The following DCAF5 variants were observed in gnomAD, a reference collection of about 807,000 sequenced individuals.
The protein encoded by DCAF5 is DDB1- and CUL4-associated factor 5.
In DCAF5, 9 loss-of-function variants were observed where a neutral mutation model predicts 80.7. The observed-to-expected ratio is 0.11, with a 90% CI of 0.07 to 0.19. The LOEUF (loss-of-function observed/expected upper bound fraction) is 0.19. Ranked by LOEUF, DCAF5 falls within the 10% of genes least tolerant of loss-of-function variation. The probability of loss-of-function intolerance (pLI) is 1.00; values close to 1 mark genes in which losing one functional copy is unlikely to be tolerated. For synonymous variants in DCAF5, 433 were observed against 461.9 expected (o/e 0.94, Z 0.80); for missense variants, 842 against 1,205.7 (o/e 0.70, Z 4.47).
At chr14:69,075,447 A>ATT in intron 6 of DCAF5, 36 bp from the exon 7 acceptor site, 11 of 1,294,412 alleles carry the variant, frequency 8.5e-6, no homozygotes, top group South Asian at 1.7e-5. Context: ...AACATTATAT[A>ATT]TTATAATATA....
intron 5 of DCAF5, among the ~76,000 whole-genome samples, chr14:69,097,582 ATT>A (rs755644268): frequency 0.25 from 30,417 of 122,818 alleles, 4,036 homozygotes; most frequent in East Asian, 0.76. Context: ...TATTATTATT[ATT>A]TTTTTTTTTT....
chr14:69,069,042 G>A (rs2038579457), intron 7 of DCAF5, among the ~76,000 whole-genome samples: 1 of 152,220 alleles, frequency 6.6e-6, no homozygotes, highest in South Asian at 2.1e-4. Flanking sequence ...TGCCTCACAT[G>A]TGTTTATAAC....
At position 69,054,628 on chromosome 14, in the gene DCAF5, G is replaced by T; in HGVS notation, c.2058C>A (p.Thr686=). 1 of 1,613,950 alleles carries T rather than the reference G, an allele frequency of 6.2e-7. No individual in the cohort carries two copies. Among genetic ancestry groups the T allele is most frequent in the Non-Finnish European group, 8.5e-7 (1 of 1,179,914 alleles). The stretch of plus-strand genomic sequence containing the variant: ...CTGCTCTCCCTTCATCTGCCTCCCC[G>T]GTCACCAAGGAGGTCTCTCCATCTT... ...NNKDGETSLV[T]GEADEGRAGT... Residue 686 remains threonine, a synonymous_variant, in exon 9 of 9, where the codon ACC becomes ACA. Coordinates refer to ENST00000341516, the MANE Select transcript of DCAF5 (RefSeq NM_003861.3).
At chr14:69,079,370 C>T (rs2039017194) in intron 6 of DCAF5, among the ~76,000 whole-genome samples, 1 of 152,102 alleles carries the variant, frequency 6.6e-6, no homozygotes, top group African/African-American at 2.4e-5. Flanking sequence ...TACAGGCTTC[C>T]TCTTAGGGAT....
At chr14:69,098,931 A>G (rs1220721179) in intron 5 of DCAF5, among the ~76,000 whole-genome samples, 9 of 150,064 alleles carry the variant, frequency 6.0e-5, no homozygotes, top group African/African-American at 2.2e-4. Context: ...GAAAAAAAAG[A>G]AAAACACTGA....
intron 5 of DCAF5, among the ~76,000 whole-genome samples, chr14:69,098,893 C>CAAA (rs57089112): frequency 3.0e-4 from 18 of 59,578 alleles, no homozygotes; most frequent in Non-Finnish European, 4.0e-4. Context: ...ACTCTGTCTC[C>CAAA]AAAAAAAAAA....
Position 69,118,931 on chromosome 14 carries a change from C to T in DCAF5, c.395+263G>A, listed in dbSNP as rs1167607492. ...ATTACTGTTCTTAAATATTATGGTT[C>T]CTTCTCTTCTAAACTCTTGTTTTAA... On this transcript the variant is annotated intron_variant, in intron 3 of 8. Transcript: ENST00000341516. This position sits in a 1 kb window ranked among gnomAD's most constrained non-coding sequence, Gnocchi z 4.0. Among the ~76,000 whole-genome samples, 1 of 152,178 alleles carries T rather than the reference C, an allele frequency of 6.6e-6. No homozygotes were observed. Among genetic ancestry groups the T allele is most frequent in the Non-Finnish European group, 1.5e-5 (1 of 68,018 alleles).
chr14:69,151,215 T>G (rs777428836), intron 1 of DCAF5, among the ~76,000 whole-genome samples: 1 of 152,170 alleles, frequency 6.6e-6, no homozygotes, highest in Non-Finnish European at 1.5e-5. Flanking sequence ...ATCAGGTTTC[T>G]TCAGAGGATG....
At position 69,118,150 on chromosome 14, in the gene DCAF5, G is replaced by A. The variant is rs184768815; in HGVS notation, c.524C>T (p.Ser175Phe). ...GRVLIWDIRE[S>F]PHGEPFCLAN... Reference sequence around the variant, plus strand: ...CACAGTGAGCCTACCTCCATGGGGGGATTCCCGAATGTCCCAAATGAGAAC... The same window carrying A: ...CACAGTGAGCCTACCTCCATGGGGGAATTCCCGAATGTCCCAAATGAGAAC... The change falls in exon 4 of 9, where the codon TCC becomes TTC. Residue 175 changes from serine (S) to phenylalanine (F), a missense_variant. By Grantham distance (155) the Ser-to-Phe change is radical. Around this residue, in one of 5 missense-constraint regions of DCAF5, gnomAD observed 142 missense variants for 311.9 expected, o/e 0.46. Transcript: ENST00000341516. The surrounding 1 kb of genome is among the most constrained non-coding windows in gnomAD (Gnocchi z 4.0). 5 of 1,613,894 alleles carry A rather than the reference G, an allele frequency of 3.1e-6. No homozygotes were observed. In the East Asian group the frequency reaches 6.7e-5, roughly 22 times the overall value.
chr14:69,118,607 AAAAGCAAGGGAAAGCTTT>A lies in DCAF5; in HGVS notation c.396-347_396-330del, dbSNP rs1485140010. Among the ~76,000 whole-genome samples, 2 of 152,184 alleles carry A rather than the reference AAAAGCAAGGGAAAGCTTT, an allele frequency of 1.3e-5. No individual in the cohort carries two copies. Among genetic ancestry groups the A allele is most frequent in the Admixed American group, 1.3e-4 (2 of 15,272 alleles). ...ATTTGGGGGTCATACTTGATTTTCA[AAAAGCAAGGGAAAGCTTT>A]AAAGCAGCCAAGTCTGATGCCTACA... On this transcript the variant is annotated intron_variant, in intron 3 of 8. Coordinates refer to ENST00000341516, the MANE Select transcript of DCAF5 (RefSeq NM_003861.3). This position sits in a 1 kb window ranked among gnomAD's most constrained non-coding sequence, Gnocchi z 4.0.
intron 7 of DCAF5, among the ~76,000 whole-genome samples, chr14:69,070,661 A>T (rs893245295): frequency 3.9e-5 from 6 of 152,132 alleles, no homozygotes; most frequent in Non-Finnish European, 8.8e-5. Context: ...TTATTTTCAG[A>T]ATTACCACAT....
intron 8 of DCAF5, among the ~76,000 whole-genome samples, chr14:69,061,556 G>A (rs2038217091): frequency 6.6e-6 from 1 of 152,168 alleles, no homozygotes; most frequent in African/African-American, 2.4e-5. Flanking sequence ...AATGATCCAA[G>A]TATTTAGTAT....
chr14:69,055,136 C>G lies in DCAF5; in HGVS notation c.1550G>C (p.Arg517Pro), dbSNP rs750163325. ...CAGGAGGCGTTTGTCTTGGTAGCGCCGCAGAGCAGACAGACGCTGCTGGCG... is the reference window on the plus strand; with the variant it reads ...CAGGAGGCGTTTGTCTTGGTAGCGCGGCAGAGCAGACAGACGCTGCTGGCG... The part of the protein sequence containing the change: ...ASRQQRLSAL[R>P]RYQDKRLLAL... Residue 517 changes from arginine to proline, a missense_variant, in exon 9 of 9, where the codon CGG (arginine) becomes CCG (proline). Transcript: ENST00000341516. This position sits in a 1 kb window ranked among gnomAD's most constrained non-coding sequence, Gnocchi z 5.6. 1 of 1,614,100 alleles carries G rather than the reference C, an allele frequency of 6.2e-7. No individual in the cohort carries two copies. Among genetic ancestry groups the G allele is most frequent in the Non-Finnish European group, 8.5e-7 (1 of 1,180,058 alleles).
At chr14:69,081,880 C>T (rs1042376484) in intron 6 of DCAF5, among the ~76,000 whole-genome samples, 12 of 152,076 alleles carry the variant, frequency 7.9e-5, no homozygotes, top group African/African-American at 2.9e-4. Context: ...ATCAACTTAC[C>T]CAGTTCTCTC....
At chr14:69,062,317 T>C in intron 8 of DCAF5, 67 bp downstream of exon 8, 1 of 1,553,652 alleles carries the variant, frequency 6.4e-7, no homozygotes, top group Admixed American at 1.7e-5. Flanking sequence ...ACATAAATTG[T>C]TCTAGTTTCT....
In DCAF5 at chr14:69,052,626, CT is replaced by C. The variant is rs1382904501; in HGVS notation, c.*1230del. On this transcript the variant is annotated 3_prime_UTR_variant, in exon 9 of 9. Transcript: ENST00000341516. ...TGTATCTACCTCAATAAAACTGAGTCTTTTATGGGAACCAGAAGACTTAAGA... is the reference window on the plus strand; with the variant it reads ...TGTATCTACCTCAATAAAACTGAGTCTTTATGGGAACCAGAAGACTTAAGA... 1 of 152,294 alleles carries C rather than the reference CT, an allele frequency of 6.6e-6. No individual in the cohort carries two copies. The highest frequency in any genetic ancestry group is 1.5e-5 in the Non-Finnish European group (1 of 68,024). The allele number at this position is 152,294 out of a possible 1,614,324, so 9.4% of individuals were successfully genotyped here.
intron 8 of DCAF5, among the ~76,000 whole-genome samples, chr14:69,060,731 C>G (rs535419110): frequency 6.6e-6 from 1 of 152,190 alleles, no homozygotes; most frequent in African/African-American, 2.4e-5. Context: ...AGGGTTTCAC[C>G]ATTTGGGCCA....
At chr14:69,106,343 A>T (rs1358297662) in intron 5 of DCAF5, among the ~76,000 whole-genome samples, 1 of 152,002 alleles carries the variant, frequency 6.6e-6, no homozygotes, top group Non-Finnish European at 1.5e-5. Flanking sequence ...GGCATGAGCC[A>T]CCGTGCCCAC....
intron 2 of DCAF5, among the ~76,000 whole-genome samples, chr14:69,121,150 GC>G (rs1434690689): frequency 1.3e-5 from 2 of 152,188 alleles, no homozygotes; most frequent in Non-Finnish European, 2.9e-5. Flanking sequence ...GGGAGGTCAG[GC>G]CAGACAGATA....
Sources: gnomAD v4.1 joint callset for allele counts (sites outside exome capture counted in the v4.1 genomes callset) on GRCh38, gnomAD v4.1.1 for gene constraint, gnomAD v4.1.1 regional missense constraint, Gnocchi (gnomAD v3.1) non-coding constraint, MANE v1.5 for transcripts, NCBI Gene and HGNC (gene_info 2026-07-23, HGNC 2026-07-21) for gene names.